The following SKAP1 variants were observed in gnomAD, a reference collection of about 807,000 sequenced individuals.
SKAP1 encodes src kinase associated phosphoprotein 1, also known as src kinase-associated phosphoprotein 1.
In SKAP1, 44 loss-of-function variants were observed where a neutral mutation model predicts 58.5. That is an observed-to-expected ratio of 0.75 (90% confidence interval 0.59 to 0.97). SKAP1 has a LOEUF of 0.97. Among genes scored for constraint, SKAP1 ranks in the 50% least tolerant of loss-of-function variants. The pLI is 0.00. For missense variants in SKAP1, 390 were observed against 435.2 expected (o/e 0.90, Z 0.92); for synonymous variants, 127 against 149.7 (o/e 0.85, Z 1.11).
At chr17:48,321,884 A>C (rs1361715134) in intron 4 of SKAP1, among the ~76,000 whole-genome samples, 1 of 152,144 alleles carries the variant, frequency 6.6e-6, no homozygotes, top group Admixed American at 6.5e-5. Flanking sequence ...GCTGCCTATC[A>C]CCTTCAAAAT....
chr17:48,156,357 G>T (rs1318648743), intron 11 of SKAP1: 1 of 261,342 alleles, frequency 3.8e-6, no homozygotes, highest in Non-Finnish European at 8.1e-6. Context: ...TTCTGCGGTG[G>T]TCGCCGGCAT....
At position 48,146,324 on chromosome 17, in the gene SKAP1, C is replaced by G. The variant is rs2063832201; in HGVS notation, c.979-8987G>C. Among the ~76,000 whole-genome samples the G allele has an allele frequency of 2.6e-5, 4 of 152,014 alleles. No individual in the cohort carries two copies. In the East Asian group the frequency reaches 7.8e-4, roughly 30 times the overall value. On this transcript the variant is annotated intron_variant, in intron 11 of 12. Transcript: ENST00000336915. ...TGGCCAATATGGTGAAACTCAATCTCTACTAAAAATACAAAAAAATTAGCT... is the reference window on the plus strand; with the variant it reads ...TGGCCAATATGGTGAAACTCAATCTGTACTAAAAATACAAAAAAATTAGCT...
At chr17:48,372,173 T>C (rs1174800471) in intron 2 of SKAP1, among the ~76,000 whole-genome samples, 1 of 152,176 alleles carries the variant, frequency 6.6e-6, no homozygotes, top group Non-Finnish European at 1.5e-5. Context: ...GGTTTTCCCA[T>C]GTTGGCAAGG....
chr17:48,246,477 C>G (rs998485163), intron 4 of SKAP1, among the ~76,000 whole-genome samples: 4 of 152,326 alleles, frequency 2.6e-5, no homozygotes, highest in Admixed American at 2.0e-4. Flanking sequence ...CAGAGGTTCT[C>G]TCATTCAAAC....
At chr17:48,204,803 T>C (rs2064772380) in intron 4 of SKAP1, among the ~76,000 whole-genome samples, 1 of 151,902 alleles carries the variant, frequency 6.6e-6, no homozygotes, top group South Asian at 2.1e-4. Flanking sequence ...GGAACAAGAA[T>C]AGCTCTGATG....
At chr17:48,366,717 C>A (rs575750752) in intron 2 of SKAP1, among the ~76,000 whole-genome samples, 229 of 152,296 alleles carry the variant, frequency 1.5e-3, no homozygotes, top group Middle Eastern at 3.4e-3. Flanking sequence ...AATGGCTGAG[C>A]AATTTTCCAT....
intron 2 of SKAP1, chr17:48,382,430 A>C (rs999200983): frequency 3.3e-5 from 5 of 152,238 alleles, no homozygotes; most frequent in African/African-American, 1.2e-4. Flanking sequence ...AATGATTGTC[A>C]ATGGCAAATG....
intron 4 of SKAP1, among the ~76,000 whole-genome samples, chr17:48,299,471 T>C (rs943228814): frequency 1.3e-5 from 2 of 152,208 alleles, no homozygotes; most frequent in African/African-American, 2.4e-5. Context: ...AGGGGGAGGC[T>C]GTCACTCTGT....
intron 5 of SKAP1, among the ~76,000 whole-genome samples, chr17:48,188,713 A>C (rs2064493206): frequency 1.3e-5 from 2 of 151,600 alleles, no homozygotes; most frequent in Non-Finnish European, 2.9e-5. Flanking sequence ...AAAGAAAAAA[A>C]AAAGGCCGGG....
At chr17:48,386,657 T>A (rs1047113819) in intron 2 of SKAP1, among the ~76,000 whole-genome samples, 1 of 152,208 alleles carries the variant, frequency 6.6e-6, no homozygotes, top group Non-Finnish European at 1.5e-5. Context: ...GTCGTGATAA[T>A]CTTTCTTCCT....
intron 4 of SKAP1, among the ~76,000 whole-genome samples, chr17:48,210,180 G>A (rs1195992391): frequency 1.3e-5 from 2 of 152,162 alleles, no homozygotes; most frequent in Admixed American, 6.5e-5. Flanking sequence ...GCTTATCCAT[G>A]AGGTCACGTG....
chr17:48,288,544 G>A (rs754404723), intron 4 of SKAP1, among the ~76,000 whole-genome samples: 10 of 152,060 alleles, frequency 6.6e-5, no homozygotes, highest in Non-Finnish European at 1.0e-4. Context: ...AAATTAGCCG[G>A]GTATGGTGGC....
chr17:48,337,814 A>C (rs945406563), intron 4 of SKAP1, among the ~76,000 whole-genome samples: 4 of 152,202 alleles, frequency 2.6e-5, no homozygotes, highest in African/African-American at 9.6e-5. Flanking sequence ...AGCCAAGATC[A>C]GACCTTCTAC....
intron 3 of SKAP1, among the ~76,000 whole-genome samples, chr17:48,346,276 T>C (rs2066722557): frequency 6.6e-6 from 1 of 152,130 alleles, no homozygotes; most frequent in Non-Finnish European, 1.5e-5. Flanking sequence ...GGAATACCTC[T>C]TGCCACCAGA....
chr17:48,247,754 G>A (rs542905319), intron 4 of SKAP1, among the ~76,000 whole-genome samples: 1 of 152,018 alleles, frequency 6.6e-6, no homozygotes, highest in East Asian at 1.9e-4. Flanking sequence ...ATGCATACTC[G>A]ATGCATAACA....
At chr17:48,186,752 G>A (rs954908720) in intron 6 of SKAP1, among the ~76,000 whole-genome samples, 1 of 152,188 alleles carries the variant, frequency 6.6e-6, no homozygotes, top group Non-Finnish European at 1.5e-5. Context: ...TTACAGGCGT[G>A]AGCCACTGTG....
intron 4 of SKAP1, among the ~76,000 whole-genome samples, chr17:48,311,029 G>GC (rs998633416): frequency 9.9e-5 from 15 of 151,798 alleles, no homozygotes; most frequent in East Asian, 5.8e-4. Context: ...CCCCTTCGCC[G>GC]CCCCCCCAGG....
chr17:48,191,568 T>C (rs2064545456), intron 4 of SKAP1, among the ~76,000 whole-genome samples: 1 of 152,240 alleles, frequency 6.6e-6, no homozygotes, highest in Admixed American at 6.5e-5. Flanking sequence ...GGCACTTTGC[T>C]CAGTGCTTTT....
intron 4 of SKAP1, chr17:48,249,143 C>T (rs2054900257): frequency 6.6e-6 from 1 of 152,154 alleles, no homozygotes; most frequent in African/African-American, 2.4e-5. Context: ...TTAGACTATT[C>T]AGGTGGCCTC....
Sources: allele counts gnomAD v4.1 joint callset (sites outside exome capture counted in the v4.1 genomes callset), GRCh38; gene constraint gnomAD v4.1.1; transcripts MANE v1.5; gene names NCBI Gene and HGNC (gene_info 2026-07-23, HGNC 2026-07-21).